HOMER1: variants seen among roughly 807,000 people sequenced by gnomAD.
HOMER1 encodes homer protein homolog 1.
In HOMER1, 3 loss-of-function variants were observed where a neutral mutation model predicts 48.9. The observed-to-expected ratio is 0.06, with a 90% CI of 0.03 to 0.16. HOMER1 has a LOEUF of 0.16. HOMER1 is among the 10% of genes least tolerant of loss of function. The probability of loss-of-function intolerance (pLI) is 1.00; values close to 1 mark genes in which losing one functional copy is unlikely to be tolerated. For missense variants in HOMER1, 247 were observed against 411.4 expected (o/e 0.60, Z 3.46); for synonymous variants, 134 against 146.4 (o/e 0.92, Z 0.61).
chr5:79,396,295 AAATAAT>A (rs773249913), intron 8 of HOMER1, among the ~76,000 whole-genome samples: 4 of 147,532 alleles, frequency 2.7e-5, no homozygotes, highest in Admixed American at 6.7e-5. Context: ...GTACATTGTA[AAATAAT>A]AATAATAATA....
chr5:79,378,609 T>C (rs1158482562), intron 8 of HOMER1, among the ~76,000 whole-genome samples: 2 of 152,186 alleles, frequency 1.3e-5, no homozygotes, highest in African/African-American at 4.8e-5. Context: ...ATTCCACTCA[T>C]GACTGCACAG....
intron 8 of HOMER1, among the ~76,000 whole-genome samples, chr5:79,395,576 C>CTACT (rs1749363136): frequency 1.3e-5 from 2 of 152,192 alleles, no homozygotes; most frequent in South Asian, 4.1e-4. Context: ...TTTTCCCAGA[C>CTACT]TACTGAAAGC....
intron 5 of HOMER1, among the ~76,000 whole-genome samples, chr5:79,434,244 T>A (rs938708103): frequency 6.6e-6 from 1 of 152,124 alleles, no homozygotes; most frequent in Non-Finnish European, 1.5e-5. Flanking sequence ...CTTTTAGTTT[T>A]CAGTATTACA....
intron 5 of HOMER1, among the ~76,000 whole-genome samples, chr5:79,418,575 CT>C (rs1196821820): frequency 2.0e-5 from 3 of 152,210 alleles, no homozygotes; most frequent in Non-Finnish European, 4.4e-5. Flanking sequence ...CTAACACCCT[CT>C]TTTGTAATCT....
chr5:79,504,566 G>A (rs1752695411), intron 1 of HOMER1, among the ~76,000 whole-genome samples: 1 of 152,140 alleles, frequency 6.6e-6, no homozygotes. Context: ...TGAGTATTTT[G>A]AGGTCTTTGA....
chr5:79,425,547 G>A (rs1218792115), intron 5 of HOMER1, among the ~76,000 whole-genome samples: 2 of 152,052 alleles, frequency 1.3e-5, no homozygotes, highest in Non-Finnish European at 2.9e-5. Flanking sequence ...CACATGGGTT[G>A]CGAGACTTCG....
At chr5:79,511,189 A>C (rs1163621225) in intron 1 of HOMER1, among the ~76,000 whole-genome samples, 1 of 152,254 alleles carries the variant, frequency 6.6e-6, no homozygotes, top group Non-Finnish European at 1.5e-5. Flanking sequence ...AACATGTTTT[A>C]AACAGAGCTG....
At chr5:79,428,021 T>C (rs1022096784) in intron 5 of HOMER1, among the ~76,000 whole-genome samples, 1 of 152,182 alleles carries the variant, frequency 6.6e-6, no homozygotes. Flanking sequence ...TATTTTTACA[T>C]AGGAAAACTG....
At chr5:79,481,563 C>T (rs1361702641) in intron 1 of HOMER1, among the ~76,000 whole-genome samples, 1 of 152,166 alleles carries the variant, frequency 6.6e-6, no homozygotes, top group African/African-American at 2.4e-5. Flanking sequence ...GTGAGCTGCA[C>T]AGAAAAAGCA....
chr5:79,379,774 C>G (rs1484504544), intron 8 of HOMER1, among the ~76,000 whole-genome samples: 1 of 151,784 alleles, frequency 6.6e-6, no homozygotes, highest in Non-Finnish European at 1.5e-5. Context: ...CAAACTCATT[C>G]TTCTGCTCAT....
intron 5 of HOMER1, among the ~76,000 whole-genome samples, chr5:79,411,100 T>G (rs975590737): frequency 6.6e-6 from 1 of 152,344 alleles, no homozygotes; most frequent in African/African-American, 2.4e-5. Context: ...GGTTTCCTGT[T>G]GGCTTCAAAT....
At chr5:79,401,155 A>G (rs1749527011) in intron 6 of HOMER1, among the ~76,000 whole-genome samples, 1 of 152,076 alleles carries the variant, frequency 6.6e-6, no homozygotes, top group African/African-American at 2.4e-5. Context: ...TTCCTTCTTT[A>G]AAAAGAAAAT....
Position 79,410,040 on chromosome 5 carries a change from CA to C in HOMER1, c.528-7986del, listed in dbSNP as rs571139328. Among the ~76,000 whole-genome samples, 574 of 152,242 alleles carry C rather than the reference CA, an allele frequency of 3.8e-3. 5 individuals are homozygous for C. The highest frequency in any genetic ancestry group is 6.8e-3 in the Middle Eastern group (2 of 294). ...GCCCAAAAGCAGTGAGGCAGGGTCT[CA>C]AATAATTTTCTTTTTACAATTTTCT... On this transcript the variant is annotated intron_variant, in intron 5 of 8. Transcript: ENST00000334082.
intron 8 of HOMER1, among the ~76,000 whole-genome samples, chr5:79,381,811 G>A (rs1036124768): frequency 5.9e-5 from 9 of 152,118 alleles, no homozygotes; most frequent in East Asian, 5.8e-4. Context: ...CATGAACCTC[G>A]GAGGTGGAGG....
At chr5:79,431,875 G>T (rs913881770) in intron 5 of HOMER1, among the ~76,000 whole-genome samples, 2 of 152,196 alleles carry the variant, frequency 1.3e-5, no homozygotes, top group African/African-American at 4.8e-5. Context: ...TCCACATGAA[G>T]TATGAATCTT....
At chr5:79,446,980 T>C (rs1343339812) in intron 4 of HOMER1, 73 bp downstream of exon 4, 5 of 969,012 alleles carry the variant, frequency 5.2e-6, no homozygotes, top group African/African-American at 4.8e-5. Flanking sequence ...ACTTTGGAGA[T>C]TTAATTCTGG....
At chr5:79,385,847 A>G (rs1749096742) in intron 8 of HOMER1, among the ~76,000 whole-genome samples, 2 of 149,840 alleles carry the variant, frequency 1.3e-5, no homozygotes, top group Admixed American at 1.3e-4. Flanking sequence ...TGTCTCAAAA[A>G]AAAAAAAAAA....
intron 1 of HOMER1, among the ~76,000 whole-genome samples, chr5:79,469,700 G>A (rs1751568533): frequency 6.6e-6 from 1 of 151,382 alleles, no homozygotes; most frequent in Non-Finnish European, 1.5e-5. Flanking sequence ...ATGGGGTTAT[G>A]TTGCCCAGGC....
intron 6 of HOMER1, among the ~76,000 whole-genome samples, chr5:79,399,833 A>G (rs1352500229): frequency 6.6e-6 from 1 of 152,220 alleles, no homozygotes; most frequent in African/African-American, 2.4e-5. Flanking sequence ...TGTTGGCAGT[A>G]CACTTGGAGT....
Sources: gnomAD v4.1 joint callset for allele counts (sites outside exome capture counted in the v4.1 genomes callset) on GRCh38, gnomAD v4.1.1 for gene constraint, MANE v1.5 for transcripts, NCBI Gene and HGNC (gene_info 2026-07-23, HGNC 2026-07-21) for gene names.